Variants in FLRT1 observed in about 807,000 individuals in gnomAD.
The protein encoded by FLRT1 is fibronectin leucine rich transmembrane protein 1.
FLRT1 carries 14 observed loss-of-function variants against 30.9 expected under a neutral mutation model. The ratio of observed to expected loss-of-function variants is 0.45; its 90% CI spans 0.30 to 0.71. The LOEUF (loss-of-function observed/expected upper bound fraction) is 0.71. Among genes scored for constraint, FLRT1 ranks in the 30% least tolerant of loss-of-function variants. FLRT1 has a pLI of 0.08. For synonymous variants in FLRT1, 368 were observed against 430.4 expected, an observed-to-expected ratio of 0.85 and a Z score of 1.80; for missense variants, 737 against 949.2, an observed-to-expected ratio of 0.78 and a Z score of 2.94.
intron 1 of FLRT1, among the ~76,000 whole-genome samples, chr11:64,093,044 G>A (rs966759991): frequency 2.0e-5 from 3 of 152,186 alleles, no homozygotes; most frequent in Non-Finnish European, 4.4e-5. Flanking sequence ...GACCCGGAGT[G>A]GAGAGAGGAG....
At position 64,116,344 on chromosome 11, in the gene FLRT1, C is replaced by T. The variant is rs757942754; in HGVS notation, c.77C>T (p.Thr26Met). The change falls in exon 3 of 3, where the codon ACG becomes ATG. Residue 26 changes from threonine (T) to methionine (M), a missense_variant. By Grantham distance (81) the Thr-to-Met change is moderately conservative. Transcript: ENST00000682287. ...GTCACGGCCACCGTTGTGATGACCA[C>T]GGCCACCATGGACCTGCGGGACTGG... ...ATVTATVVMT[T>M]ATMDLRDWLF... is the part of the protein sequence containing the mutation. 56 of 1,612,002 alleles carry T rather than the reference C, an allele frequency of 3.5e-5. No individual in the cohort carries two copies. In the East Asian group the frequency reaches 4.2e-4, roughly 12 times the overall value.
In FLRT1 at chr11:64,064,857, C is replaced by CATTA. The variant is rs1943968055; in HGVS notation, c.-1038+28701_-1038+28702insAATT. On this transcript the variant is annotated intron_variant, in intron 1 of 2. Coordinates refer to ENST00000682287, the MANE Select transcript of FLRT1 (RefSeq NM_013280.5). This position sits in a 1 kb window ranked among gnomAD's most constrained non-coding sequence, Gnocchi z 4.5. The stretch of plus-strand genomic sequence containing the variant: ...TTCACAAGGACCTCATTCATTCATT[C>CATTA]ATTCATTCATTCATTCATTTGATGA... 6.6e-6 allele frequency among the ~76,000 whole-genome samples: 1 copy of CATTA among 151,768 alleles called. No individual in the cohort carries two copies. Among genetic ancestry groups the CATTA allele is most frequent in the Non-Finnish European group, 1.5e-5 (1 of 67,986 alleles).
chr11:64,090,223 A>G lies in FLRT1; in HGVS notation c.-1037-12971A>G, dbSNP rs1012117124. Among the ~76,000 whole-genome samples, 1 of 152,144 alleles carries G rather than the reference A, an allele frequency of 6.6e-6. No homozygotes were observed. The highest frequency in any genetic ancestry group is 1.5e-5 in the Non-Finnish European group (1 of 68,004). ...GTCCACAGGGTGACAGGGTGTGGGAAAGGCCAACGGGCGTGTGGGTCTCCA... is the reference window on the plus strand; with the variant it reads ...GTCCACAGGGTGACAGGGTGTGGGAGAGGCCAACGGGCGTGTGGGTCTCCA... On this transcript the variant is annotated intron_variant, in intron 1 of 2. Coordinates refer to ENST00000682287, the MANE Select transcript of FLRT1 (RefSeq NM_013280.5). This position sits in a 1 kb window ranked among gnomAD's most constrained non-coding sequence, Gnocchi z 4.7.
intron 1 of FLRT1, among the ~76,000 whole-genome samples, chr11:64,089,030 G>A (rs1419248119): frequency 6.6e-6 from 1 of 152,218 alleles, no homozygotes; most frequent in Non-Finnish European, 1.5e-5. Context: ...ACTGACAAGA[G>A]AGGGAAGCCT....
At chr11:64,071,692 G>T (rs1944110264) in intron 1 of FLRT1, among the ~76,000 whole-genome samples, 1 of 152,182 alleles carries the variant, frequency 6.6e-6, no homozygotes, top group South Asian at 2.1e-4. Context: ...GGTGGTTATG[G>T]GGTGGTCATG....
At chr11:64,057,165 G>T (rs982231092) in intron 1 of FLRT1, among the ~76,000 whole-genome samples, 4 of 152,314 alleles carry the variant, frequency 2.6e-5, no homozygotes, top group African/African-American at 9.6e-5. Flanking sequence ...GCCACTTTAG[G>T]CCACAGCCAG....
At chr11:64,053,477 C>T (rs1943730254) in intron 1 of FLRT1, among the ~76,000 whole-genome samples, 1 of 152,090 alleles carries the variant, frequency 6.6e-6, no homozygotes, top group South Asian at 2.1e-4. Context: ...GTCTGTGGCC[C>T]CGATGGGAGT....
intron 1 of FLRT1, among the ~76,000 whole-genome samples, chr11:64,040,672 G>A (rs982491710): frequency 5.3e-5 from 8 of 152,202 alleles, no homozygotes; most frequent in African/African-American, 2.4e-5. Flanking sequence ...TGTTTATGAC[G>A]GGGGCGGTAG....
At chr11:64,079,755 G>C (rs1944272152) in intron 1 of FLRT1, among the ~76,000 whole-genome samples, 2 of 152,128 alleles carry the variant, frequency 1.3e-5, no homozygotes, top group Non-Finnish European at 2.9e-5. Flanking sequence ...GAAATGTGGA[G>C]TGGAGGTAAG....
At chr11:64,046,588 G>A (rs192893798) in intron 1 of FLRT1, among the ~76,000 whole-genome samples, 3 of 152,232 alleles carry the variant, frequency 2.0e-5, no homozygotes, top group Non-Finnish European at 2.9e-5. Context: ...TTTTGTTCTC[G>A]TCGCTCAGGC....
At chr11:64,046,475 G>A (rs1244558788) in intron 1 of FLRT1, among the ~76,000 whole-genome samples, 3 of 152,200 alleles carry the variant, frequency 2.0e-5, no homozygotes, top group Admixed American at 1.3e-4. Flanking sequence ...CTGGACCCCA[G>A]ACAGTGCTGG....
intron 1 of FLRT1, among the ~76,000 whole-genome samples, chr11:64,065,076 C>G (rs952209887): frequency 6.6e-6 from 1 of 152,188 alleles, no homozygotes; most frequent in East Asian, 1.9e-4. Context: ...AGCACAGGCA[C>G]CTGAGCCAGA....
intron 1 of FLRT1, among the ~76,000 whole-genome samples, chr11:64,074,723 C>G (rs1185165493): frequency 6.6e-6 from 1 of 152,216 alleles, no homozygotes; most frequent in Non-Finnish European, 1.5e-5. Flanking sequence ...GGTCCCTGAG[C>G]TGCTGCCCCA....
intron 1 of FLRT1, among the ~76,000 whole-genome samples, chr11:64,043,066 A>G (rs1310878185): frequency 6.6e-6 from 1 of 152,122 alleles, no homozygotes; most frequent in Admixed American, 6.5e-5. Flanking sequence ...TTTGTTACTT[A>G]TCATCTGAGT....
At chr11:64,038,132 C>T (rs759517228) in intron 1 of FLRT1, among the ~76,000 whole-genome samples, 8 of 152,218 alleles carry the variant, frequency 5.3e-5, no homozygotes, top group Middle Eastern at 3.4e-3. Context: ...CCATGAAAGC[C>T]CCTGGGAGGT....
chr11:64,046,415 G>A (rs1411361855), intron 1 of FLRT1, among the ~76,000 whole-genome samples: 11 of 152,172 alleles, frequency 7.2e-5, no homozygotes, highest in Non-Finnish European at 5.9e-5. Context: ...CCTGTGCTGG[G>A]GTGCGAGGCT....
At chr11:64,077,623 C>T (rs912872906) in intron 1 of FLRT1, among the ~76,000 whole-genome samples, 5 of 152,158 alleles carry the variant, frequency 3.3e-5, no homozygotes, top group Admixed American at 1.3e-4. Flanking sequence ...CACACACGAA[C>T]AGAACTCATA....
At chr11:64,107,521 T>A (rs1284390958) in intron 2 of FLRT1, among the ~76,000 whole-genome samples, 1 of 149,082 alleles carries the variant, frequency 6.7e-6, no homozygotes, top group African/African-American at 2.4e-5. Context: ...TAGGTGCATT[T>A]ATAGTGGATT....
intron 1 of FLRT1, among the ~76,000 whole-genome samples, chr11:64,037,427 G>C (rs1426940244): frequency 6.6e-6 from 1 of 152,220 alleles, no homozygotes; most frequent in African/African-American, 2.4e-5. Context: ...CGGGAGGAGA[G>C]GCGCAGACAT....
Sources: gnomAD v4.1 joint callset for allele counts (sites outside exome capture counted in the v4.1 genomes callset) on GRCh38, gnomAD v4.1.1 for gene constraint, Gnocchi (gnomAD v3.1) non-coding constraint, MANE v1.5 for transcripts, NCBI Gene and HGNC (gene_info 2026-07-23, HGNC 2026-07-21) for gene names.